The following ARID1B variants were observed in gnomAD, a reference collection of about 807,000 sequenced individuals.
The protein encoded by ARID1B is AT-rich interactive domain-containing protein 1B.
In ARID1B, 30 loss-of-function variants were observed where a neutral mutation model predicts 212.3. The observed-to-expected ratio is 0.14, with a 90% CI of 0.11 to 0.19. The LOEUF (loss-of-function observed/expected upper bound fraction) is 0.19. Among genes scored for constraint, ARID1B ranks in the 10% least tolerant of loss-of-function variants. The pLI, the probability that ARID1B is intolerant of heterozygous loss-of-function variation, is 1.00. For missense variants in ARID1B, 2,891 were observed against 3,204.0 expected (o/e 0.90, Z 2.36); for synonymous variants, 1,402 against 1,301.7 (o/e 1.08, Z -1.66).
chr6:157,195,381 A>C (rs1793645526), intron 15 of ARID1B: 1 of 152,086 alleles, frequency 6.6e-6, no homozygotes, highest in Non-Finnish European at 1.5e-5. Context: ...CTTCCCTAAC[A>C]CGTGATCCCC....
chr6:156,890,374 G>A (rs941259302), intron 2 of ARID1B, among the ~76,000 whole-genome samples: 3 of 152,128 alleles, frequency 2.0e-5, no homozygotes, highest in African/African-American at 7.2e-5. Context: ...TAAAAAATTT[G>A]TCACGAAAAA....
At chr6:156,933,075 G>A (rs1791882256) in intron 3 of ARID1B, among the ~76,000 whole-genome samples, 1 of 152,166 alleles carries the variant, frequency 6.6e-6, no homozygotes, top group Non-Finnish European at 1.5e-5. Flanking sequence ...ATTTTAGGGG[G>A]ACGATGTCTA....
chr6:157,169,853 T>C (rs1791591429), intron 9 of ARID1B: 1 of 152,256 alleles, frequency 6.6e-6, no homozygotes. Flanking sequence ...CCATATGTGC[T>C]GCTGGAACCA....
At chr6:156,902,735 CAAAAA>C (rs869259426) in intron 3 of ARID1B, among the ~76,000 whole-genome samples, 6 of 61,682 alleles carry the variant, frequency 9.7e-5, no homozygotes, top group East Asian at 9.3e-4. Flanking sequence ...GACTCTGTCT[CAAAAA>C]AAAAAAAAAA....
intron 1 of ARID1B, among the ~76,000 whole-genome samples, chr6:156,781,839 C>T (rs1271930217): frequency 6.6e-6 from 1 of 151,890 alleles, no homozygotes; most frequent in Admixed American, 6.6e-5. Flanking sequence ...AAACTAGAGA[C>T]GAATGAAGTT....
intron 4 of ARID1B, chr6:157,036,641 C>T (rs549592308): frequency 5.9e-6 from 2 of 340,312 alleles, no homozygotes; most frequent in South Asian, 5.0e-5. Context: ...AGAACTGAAA[C>T]CCAGACGGTG....
At chr6:156,779,546 C>A in intron 1 of ARID1B, 75 bp downstream of exon 1, 1 of 1,193,674 alleles carries the variant, frequency 8.4e-7, no homozygotes, top group Non-Finnish European at 1.0e-6. Context: ...TCTTTCTTTG[C>A]CGCGTACTTT....
chr6:157,134,471 G>T (rs1028688509), intron 7 of ARID1B, among the ~76,000 whole-genome samples: 1 of 152,216 alleles, frequency 6.6e-6, no homozygotes, highest in African/African-American at 2.4e-5. Context: ...AGCCTCTCCT[G>T]CCTTTGTTCT....
chr6:156,931,248 TTTAA>T (rs1791692071), intron 3 of ARID1B, among the ~76,000 whole-genome samples: 1 of 152,162 alleles, frequency 6.6e-6, no homozygotes, highest in Admixed American at 6.5e-5. Flanking sequence ...GTTTTCCCTT[TTTAA>T]TTTTTTAAAA....
intron 5 of ARID1B, among the ~76,000 whole-genome samples, chr6:157,091,183 G>A (rs955647301): frequency 6.6e-6 from 1 of 152,142 alleles, no homozygotes; most frequent in African/African-American, 2.4e-5. Context: ...GCTTTATCAT[G>A]GCCATTCCTA....
In ARID1B at chr6:156,822,291, A is replaced by G. The variant is rs533302783; in HGVS notation, c.1792-6936A>G. Among the ~76,000 whole-genome samples, 18 of 152,380 alleles carry G rather than the reference A, an allele frequency of 1.2e-4. 1 individual carries two copies. The highest frequency in any genetic ancestry group is 4.1e-4 in the African/African-American group (17 of 41,596). ...CCAACGTGTTAGTTCAAGTCTTAAT[A>G]AGCAGGCAGTGTTTTGTTGTGAGTT... is the stretch of plus-strand genomic sequence containing the variant. On this transcript the variant is annotated intron_variant, in intron 1 of 19. Transcript: ENST00000636930.
chr6:157,091,500 GAATCTGGAAGGATGCTAT>G (rs1276441640), intron 5 of ARID1B, among the ~76,000 whole-genome samples: 2 of 152,174 alleles, frequency 1.3e-5, no homozygotes, highest in African/African-American at 4.8e-5. Flanking sequence ...CAAACAAGCA[GAATCTGGAAGGATGCTAT>G]AATGGGAAAG....
chr6:157,091,103 G>A (rs990020416), intron 5 of ARID1B, among the ~76,000 whole-genome samples: 8 of 152,152 alleles, frequency 5.3e-5, no homozygotes, highest in Non-Finnish European at 8.8e-5. Flanking sequence ...TGAAGAAATC[G>A]CTTGGTCAGA....
intron 1 of ARID1B, among the ~76,000 whole-genome samples, chr6:156,826,857 CAG>C (rs1782776358): frequency 6.6e-6 from 1 of 152,138 alleles, no homozygotes; most frequent in South Asian, 2.1e-4. Context: ...GCACACTCTC[CAG>C]AGTGTCTACA....
At chr6:156,927,644 G>A (rs1157492821) in intron 3 of ARID1B, among the ~76,000 whole-genome samples, 1 of 152,170 alleles carries the variant, frequency 6.6e-6, no homozygotes, top group Non-Finnish European at 1.5e-5. Flanking sequence ...AATGTGTTCT[G>A]TAGCACATTT....
intron 1 of ARID1B, among the ~76,000 whole-genome samples, chr6:156,801,925 T>C (rs1490645994): frequency 6.6e-6 from 1 of 152,236 alleles, no homozygotes. Flanking sequence ...ATCGAATTGC[T>C]TTCTCGAAAT....
chr6:156,890,056 A>G (rs1787805439), intron 2 of ARID1B, among the ~76,000 whole-genome samples: 1 of 152,222 alleles, frequency 6.6e-6, no homozygotes, highest in Non-Finnish European at 1.5e-5. Flanking sequence ...AAATAAATTC[A>G]TGGATAATAG....
chr6:157,133,884 TATCAAGGTTTTTA>T (rs1406669484), intron 7 of ARID1B, among the ~76,000 whole-genome samples: 1 of 152,224 alleles, frequency 6.6e-6, no homozygotes, highest in East Asian at 1.9e-4. Context: ...AGCATCCTTT[TATCAAGGTTTTTA>T]ACCTGATGTG....
At chr6:156,898,363 G>A (rs951122209) in intron 2 of ARID1B, among the ~76,000 whole-genome samples, 2 of 152,194 alleles carry the variant, frequency 1.3e-5, no homozygotes, top group East Asian at 1.9e-4. Flanking sequence ...GGCAGTGTGT[G>A]TGGGTGTCTT....
Sources: gnomAD v4.1 joint callset for allele counts (sites outside exome capture counted in the v4.1 genomes callset) on GRCh38, gnomAD v4.1.1 for gene constraint, MANE v1.5 for transcripts, NCBI Gene and HGNC (gene_info 2026-07-23, HGNC 2026-07-21) for gene names.